The following MAF variants were observed in gnomAD, a reference collection of about 807,000 sequenced individuals.
The protein encoded by MAF is MAF bZIP transcription factor, also known as transcription factor Maf.
MAF carries 10 observed loss-of-function variants against 22.0 expected under a neutral mutation model. The observed-to-expected ratio is 0.45, with a 90% CI of 0.28 to 0.77. The LOEUF is 0.77. Among genes scored for constraint, MAF ranks in the 30% least tolerant of loss-of-function variants. The pLI, the probability that MAF is intolerant of heterozygous loss-of-function variation, is 0.12. For synonymous variants in MAF, 337 were observed against 255.8 expected (o/e 1.32, Z -3.03); for missense variants, 544 against 548.4 (o/e 0.99, Z 0.08).
the MAF span, among the ~76,000 whole-genome samples, chr16:79,382,941 G>A: frequency 6.6e-6 from 1 of 152,152 alleles, no homozygotes; most frequent in Non-Finnish European, 1.5e-5. Flanking sequence ...CCAGGTCTGT[G>A]CTCTAGCATT....
the MAF span, among the ~76,000 whole-genome samples, chr16:79,447,032 G>A: frequency 6.6e-6 from 1 of 151,998 alleles, no homozygotes; most frequent in Non-Finnish European, 1.5e-5. Flanking sequence ...TAAATTGGGT[G>A]TATTCAAAAT....
At chr16:79,227,415 G>A in the MAF span, among the ~76,000 whole-genome samples, 3 of 152,108 alleles carry the variant, frequency 2.0e-5, no homozygotes, top group Non-Finnish European at 4.4e-5. Context: ...ATTGCTGTGT[G>A]TGTATGAACA....
the MAF span, among the ~76,000 whole-genome samples, chr16:79,426,801 C>T: frequency 9.2e-5 from 14 of 152,232 alleles, no homozygotes; most frequent in African/African-American, 3.4e-4. Context: ...CCCTCTGGGT[C>T]TGTTAGCAGG....
At chr16:79,205,037 T>G in the MAF span, 1 of 152,202 alleles carries the variant, frequency 6.6e-6, no homozygotes, top group African/African-American at 2.4e-5. Flanking sequence ...AGACTCGGAT[T>G]TGGGGGCATC....
At chr16:79,580,339 C>T in the MAF span, among the ~76,000 whole-genome samples, 4 of 152,188 alleles carry the variant, frequency 2.6e-5, no homozygotes, top group Non-Finnish European at 5.9e-5. Context: ...AAGATCAGAG[C>T]AAACAGATGG....
the MAF span, among the ~76,000 whole-genome samples, chr16:79,524,997 T>C: frequency 6.6e-6 from 1 of 152,146 alleles, no homozygotes; most frequent in African/African-American, 2.4e-5. Context: ...TGCAAAACTG[T>C]GTAATAAGAT....
At chr16:79,444,615 G>C in the MAF span, among the ~76,000 whole-genome samples, 1 of 152,124 alleles carries the variant, frequency 6.6e-6, no homozygotes, top group African/African-American at 2.4e-5. Context: ...GAGAAGATTC[G>C]GGCCAGTTTT....
chr16:79,259,834 GGATTT>G, the MAF span, among the ~76,000 whole-genome samples: 1 of 152,104 alleles, frequency 6.6e-6, no homozygotes, highest in South Asian at 2.1e-4. Flanking sequence ...AGAGGAGGGT[GGATTT>G]GATTTAATTC....
At chr16:79,589,704 G>A (rs1172778680), downstream of MAF, among the ~76,000 whole-genome samples, 1 of 152,252 alleles carries the variant, frequency 6.6e-6, no homozygotes, top group East Asian at 1.9e-4. Context: ...GGCGCACCGG[G>A]GAGTTTTGAT....
At chr16:79,586,948 A>G (rs1055676272) in intron 1 of MAF, among the ~76,000 whole-genome samples, 18 of 152,190 alleles carry the variant, frequency 1.2e-4, no homozygotes, top group Admixed American at 5.9e-4. Context: ...AATCCCCCAC[A>G]CTTTTATTTG....
chr16:79,381,862 G>A, the MAF span, among the ~76,000 whole-genome samples: 3 of 152,156 alleles, frequency 2.0e-5, no homozygotes, highest in Admixed American at 6.5e-5. Context: ...CAGAGCTCTT[G>A]AACTCAACCT....
chr16:79,393,810 G>A, the MAF span, among the ~76,000 whole-genome samples: 2 of 152,178 alleles, frequency 1.3e-5, no homozygotes, highest in Non-Finnish European at 1.5e-5. Context: ...GTTTACGGAG[G>A]AGCTGATGAA....
chr16:79,204,651 C>T, the MAF span: 136 of 152,312 alleles, frequency 8.9e-4, no homozygotes, highest in African/African-American at 3.3e-3. Context: ...GAAACACAGG[C>T]CCTGAGAGCG....
chr16:79,339,566 G>A, the MAF span, among the ~76,000 whole-genome samples: 5 of 152,110 alleles, frequency 3.3e-5, no homozygotes, highest in African/African-American at 7.2e-5. Context: ...GTGTTAAGCC[G>A]CTAAAATTTT....
chr16:79,406,022 G>A, the MAF span, among the ~76,000 whole-genome samples: 6 of 152,300 alleles, frequency 3.9e-5, no homozygotes, highest in South Asian at 1.2e-3. Context: ...GTAGCCCTCA[G>A]CCAATGGCTG....
the MAF span, among the ~76,000 whole-genome samples, chr16:79,388,087 C>A: frequency 6.6e-6 from 1 of 152,194 alleles, no homozygotes; most frequent in African/African-American, 2.4e-5. Context: ...TAGTTCACAG[C>A]GTCCACTCTC....
At chr16:79,476,799 G>A in the MAF span, among the ~76,000 whole-genome samples, 1 of 152,192 alleles carries the variant, frequency 6.6e-6, no homozygotes, top group African/African-American at 2.4e-5. Context: ...CATTACCTGG[G>A]TAACCTTAGG....
the MAF span, among the ~76,000 whole-genome samples, chr16:79,440,156 A>T: frequency 6.6e-6 from 1 of 152,212 alleles, no homozygotes; most frequent in Non-Finnish European, 1.5e-5. Context: ...GCAGGAAGGA[A>T]GCAATAGATG....
the MAF span, among the ~76,000 whole-genome samples, chr16:79,396,852 G>A: frequency 6.6e-6 from 1 of 152,192 alleles, no homozygotes; most frequent in South Asian, 2.1e-4. Flanking sequence ...AGGAAACACT[G>A]GCATAAAGTA....
Sources: gnomAD v4.1 joint callset for allele counts (sites outside exome capture counted in the v4.1 genomes callset) on GRCh38, gnomAD v4.1.1 for gene constraint, MANE v1.5 for transcripts, NCBI Gene and HGNC (gene_info 2026-07-23, HGNC 2026-07-21) for gene names.